Variants in CMYA5 observed in about 807,000 individuals in gnomAD.
The protein encoded by CMYA5 is cardiomyopathy-associated protein 5.
A neutral mutation model predicts 318.9 loss-of-function variants in CMYA5; 246 were observed. The ratio of observed to expected loss-of-function variants is 0.77; its 90% confidence interval spans 0.70 to 0.86. The LOEUF is 0.86. Among genes scored for constraint, CMYA5 ranks in the 40% least tolerant of loss-of-function variants. The pLI, the probability that CMYA5 is intolerant of heterozygous loss-of-function variation, is 0.00. For synonymous variants in CMYA5, 1,641 were observed against 1,729.5 expected (o/e 0.95, Z 1.27); for missense variants, 4,589 against 4,678.2 (o/e 0.98, Z 0.56).
At chr5:79,756,562 TG>T (rs1257943426) in intron 6 of CMYA5, among the ~76,000 whole-genome samples, 1 of 152,248 alleles carries the variant, frequency 6.6e-6, no homozygotes, top group Non-Finnish European at 1.5e-5. Context: ...GGGATGGATC[TG>T]GTGTTTAACC....
rs777169534 is a variant in CMYA5 at position 79,758,871 on chromosome 5, G to A, written c.11229G>A (p.Met3743Ile). 4 of 1,597,440 alleles carry A rather than the reference G, an allele frequency of 2.5e-6. No homozygotes were observed. Among genetic ancestry groups the A allele is most frequent in the Non-Finnish European group, 2.6e-6 (3 of 1,172,222 alleles). ...TTGATTCATTTCAGGTTTACTGCAT[G>A]GAGGAGCCACAAGATGATCAAGAAG... ...DVIDSFQVYC[M>I]EEPQDDQEVN... is the part of the protein sequence containing the mutation. The change falls in exon 7 of 13, where the codon ATG becomes ATA. Residue 3743 changes from methionine to isoleucine, a missense_variant. Met to Ile is a conservative substitution (Grantham distance 10, BLOSUM62 1). This residue lies in a region of CMYA5 where 2,431 missense variants were observed against 2,495.1 expected (regional missense o/e 0.97). Transcript: ENST00000446378.
chr5:79,736,487 C>T lies in CMYA5; in HGVS notation c.7722C>T (p.Ile2574=), dbSNP rs556934127. The change falls in exon 2 of 13, where the codon ATC becomes ATT. Residue 2574 remains isoleucine (I), a synonymous_variant. Transcript: ENST00000446378. The part of the protein sequence containing the change: ...VAESMSRESD[I]SLGHSLGETQ... ...AGTCTATGAGTAGAGAATCAGATAT[C>T]TCTTTAGGTCATTCTTTGGGTGAAA... 4.9e-5 allele frequency: 79 copies of T among 1,611,664 alleles called. No individual in the cohort carries two copies. The South Asian group carries it at 8.2e-4, about 17-fold the overall frequency.
chr5:79,744,632 G>A (rs1248986529), intron 3 of CMYA5, among the ~76,000 whole-genome samples: 1 of 152,206 alleles, frequency 6.6e-6, no homozygotes, highest in African/African-American at 2.4e-5. Context: ...ACTAGTACAT[G>A]CTAGTTATTT....
chr5:79,786,262 C>T (rs553963377), intron 9 of CMYA5, among the ~76,000 whole-genome samples: 1 of 152,336 alleles, frequency 6.6e-6, no homozygotes, highest in Admixed American at 6.5e-5. Flanking sequence ...CTGCTCACTG[C>T]CCTCACGTCT....
At chr5:79,712,542 GA>G (rs1198800326) in intron 1 of CMYA5, among the ~76,000 whole-genome samples, 5 of 146,944 alleles carry the variant, frequency 3.4e-5, no homozygotes, top group African/African-American at 7.5e-5. Flanking sequence ...AAATGACAGA[GA>G]AAAAAAAAAG....
In CMYA5 at chr5:79,733,776, A is replaced by G. The variant is rs755473991; in HGVS notation, c.5011A>G (p.Lys1671Glu). The G allele has an allele frequency of 1.9e-6, 3 of 1,613,352 alleles. No homozygotes were observed. Among genetic ancestry groups the G allele is most frequent in the African/African-American group, 2.7e-5 (2 of 74,840 alleles). The change falls in exon 2 of 13, where the codon AAA becomes GAA. Residue 1671 changes from lysine to glutamate, a missense_variant. Physicochemically the swap from Lys to Glu is moderately conservative, Grantham distance 56 (BLOSUM62 1). This residue lies in a region of CMYA5 where 2,132 missense variants were observed against 2,131.3 expected (regional missense o/e 1.00). Transcript: ENST00000446378. Reference sequence around the variant, plus strand: ...TGAAACAGAGGATTCTGTTTTAGAAAAAGGCCCAGCTGAGCTTAGGAGCAG... The same window carrying G: ...TGAAACAGAGGATTCTGTTTTAGAAGAAGGCCCAGCTGAGCTTAGGAGCAG... ...ITETEDSVLE[K>E]GPAELRSREG...
rs146631524 is a variant in CMYA5 at position 79,731,641 on chromosome 5, C to A, written c.2876C>A (p.Pro959Gln). The change falls in exon 2 of 13, where the codon CCG becomes CAG. Residue 959 changes from proline to glutamine, a missense_variant. By Grantham distance (76) the Pro-to-Gln change is moderately conservative. This residue lies in a region of CMYA5 where 2,132 missense variants were observed against 2,131.3 expected (regional missense o/e 1.00). Transcript: ENST00000446378. ...SAFVSEFSFPPYATQEAEKRE... is the reference protein window; with the variant it reads ...SAFVSEFSFPQYATQEAEKRE... ...TTTGTGTCAGAATTCTCATTTCCAC[C>A]GTATGCAACCCAGGAAGCAGAGAAA... is the stretch of plus-strand genomic sequence containing the variant. 1.2e-5 allele frequency: 20 copies of A among 1,613,690 alleles called. No individual in the cohort carries two copies. The South Asian group carries it at 2.2e-4, about 18-fold the overall frequency.
chr5:79,790,630 G>C (rs1829159644), intron 10 of CMYA5, among the ~76,000 whole-genome samples: 1 of 152,208 alleles, frequency 6.6e-6, no homozygotes, highest in African/African-American at 2.4e-5. Flanking sequence ...ATACAGATTT[G>C]AAGTCAGGAG....
At chr5:79,796,740 G>C (rs1829283395) in intron 12 of CMYA5, among the ~76,000 whole-genome samples, 1 of 152,140 alleles carries the variant, frequency 6.6e-6, no homozygotes, top group South Asian at 2.1e-4. Context: ...ATAGTCTACT[G>C]ACAAAGATAA....
chr5:79,760,377 G>C (rs756932768), intron 7 of CMYA5, among the ~76,000 whole-genome samples: 2 of 152,054 alleles, frequency 1.3e-5, no homozygotes, highest in Non-Finnish European at 2.9e-5. Context: ...GGAGTGCCAG[G>C]GTAATAGGAT....
At chr5:79,787,278 A>C (rs528839338) in intron 9 of CMYA5, among the ~76,000 whole-genome samples, 1 of 152,224 alleles carries the variant, frequency 6.6e-6, no homozygotes, top group Admixed American at 6.5e-5. Flanking sequence ...TGGGCACATG[A>C]TAAGTGATCA....
intron 9 of CMYA5, among the ~76,000 whole-genome samples, chr5:79,768,703 C>T (rs987965654): frequency 1.3e-5 from 2 of 152,182 alleles, no homozygotes; most frequent in Non-Finnish European, 2.9e-5. Context: ...GCAACCCGAG[C>T]TTTCTCTCTG....
chr5:79,789,955 A>G (rs1472650719), intron 10 of CMYA5, among the ~76,000 whole-genome samples: 1 of 152,202 alleles, frequency 6.6e-6, no homozygotes, highest in Non-Finnish European at 1.5e-5. Flanking sequence ...TTTTGGGAAA[A>G]TACCTAGATG....
At chr5:79,711,107 G>A (rs1827381058) in intron 1 of CMYA5, among the ~76,000 whole-genome samples, 1 of 152,152 alleles carries the variant, frequency 6.6e-6, no homozygotes. Flanking sequence ...TATCAGTAAG[G>A]ATTTTACTTA....
intron 12 of CMYA5, among the ~76,000 whole-genome samples, chr5:79,794,286 C>T (rs1829235708): frequency 6.6e-6 from 1 of 152,194 alleles, no homozygotes; most frequent in South Asian, 2.1e-4. Context: ...TCTGTCAAAT[C>T]CTAGGATATT....
In CMYA5 at chr5:79,735,822, C is replaced by A; in HGVS notation, c.7057C>A (p.Pro2353Thr). The change falls in exon 2 of 13, where the codon CCT (proline) becomes ACT (threonine). Residue 2353 changes from proline to threonine, a missense_variant. Pro to Thr is a conservative substitution (Grantham distance 38). Coordinates refer to ENST00000446378, the MANE Select transcript of CMYA5 (RefSeq NM_153610.5). ...SKRVQKPAIA[P>T]PSKWNISIFK... ...AAGAGTCCAGAAGCCAGCAATCGCT[C>A]CTCCATCTAAATGGAATATTTCTAT... 2 of 1,550,574 alleles carry A rather than the reference C, an allele frequency of 1.3e-6. No individual in the cohort carries two copies. Among genetic ancestry groups the A allele is most frequent in the Non-Finnish European group, 1.7e-6 (2 of 1,157,074 alleles).
At chr5:79,772,990 A>G (rs1464952120) in intron 9 of CMYA5, among the ~76,000 whole-genome samples, 1 of 152,236 alleles carries the variant, frequency 6.6e-6, no homozygotes, top group Non-Finnish European at 1.5e-5. Context: ...TCTCTAGTCA[A>G]TAAATACAAA....
intron 1 of CMYA5, among the ~76,000 whole-genome samples, chr5:79,695,795 C>T (rs569737895): frequency 1.3e-5 from 2 of 152,192 alleles, no homozygotes; most frequent in Non-Finnish European, 2.9e-5. Context: ...AGACATTCTT[C>T]CTAAAATGAG....
intron 5 of CMYA5, among the ~76,000 whole-genome samples, chr5:79,749,707 C>G (rs188351699): frequency 1.3e-5 from 2 of 152,022 alleles, no homozygotes; most frequent in South Asian, 4.2e-4. Context: ...ACACAAACAC[C>G]ACCGTCCATA....
Sources: gnomAD v4.1 joint callset for allele counts (sites outside exome capture counted in the v4.1 genomes callset) on GRCh38, gnomAD v4.1.1 for gene constraint, gnomAD v4.1.1 regional missense constraint, MANE v1.5 for transcripts, NCBI Gene and HGNC (gene_info 2026-07-23, HGNC 2026-07-21) for gene names.